Variants in CADM1 observed in about 807,000 individuals in gnomAD.
CADM1 encodes the protein cell adhesion molecule 1.
Under a neutral mutation model 53.1 loss-of-function variants are expected in CADM1, and 15 were observed. The ratio of observed to expected loss-of-function variants is 0.28; its 90% confidence interval spans 0.19 to 0.44. The LOEUF (loss-of-function observed/expected upper bound fraction) is 0.44. Among genes scored for constraint, CADM1 ranks in the 20% least tolerant of loss-of-function variants. CADM1 has a pLI of 1.00. For missense variants in CADM1, 434 were observed against 611.3 expected, an observed-to-expected ratio of 0.71 and a Z score of 3.06; for synonymous variants, 281 against 243.0, an observed-to-expected ratio of 1.16 and a Z score of -1.45.
chr11:115,496,170 G>A (rs1949606691), intron 1 of CADM1, among the ~76,000 whole-genome samples: 2 of 152,100 alleles, frequency 1.3e-5, no homozygotes, highest in South Asian at 4.2e-4. Flanking sequence ...ACACAGTTTG[G>A]CTTAGCATCA....
intron 1 of CADM1, among the ~76,000 whole-genome samples, chr11:115,248,420 A>G (rs1002228315): frequency 6.6e-6 from 1 of 152,202 alleles, no homozygotes; most frequent in African/African-American, 2.4e-5. Flanking sequence ...GGTCTGAGCT[A>G]TCTGATCCCA....
chr11:115,396,330 T>C (rs1316700203), intron 1 of CADM1, among the ~76,000 whole-genome samples: 1 of 152,214 alleles, frequency 6.6e-6, no homozygotes, highest in Admixed American at 6.5e-5. Flanking sequence ...TATCAATTTA[T>C]GTGCTACAGA....
chr11:115,245,734 G>A (rs1004112217), intron 1 of CADM1, among the ~76,000 whole-genome samples: 8 of 152,110 alleles, frequency 5.3e-5, no homozygotes, highest in Non-Finnish European at 7.4e-5. Context: ...TTCTAACTAC[G>A]TATGTTCCCC....
At chr11:115,454,375 G>A (rs1288880412) in intron 1 of CADM1, among the ~76,000 whole-genome samples, 2 of 152,172 alleles carry the variant, frequency 1.3e-5, no homozygotes, top group Non-Finnish European at 2.9e-5. Context: ...AAAAACTTCA[G>A]TAGTGCCTGC....
intron 1 of CADM1, among the ~76,000 whole-genome samples, chr11:115,370,841 T>C (rs182207944): frequency 1.3e-5 from 2 of 152,346 alleles, no homozygotes; most frequent in African/African-American, 4.8e-5. Context: ...TACCTAATGT[T>C]ACTGCAACTC....
Position 115,504,337 on chromosome 11 carries a change from C to T in CADM1, c.58G>A (p.Ala20Thr). 1 of 1,546,896 alleles carries T rather than the reference C, an allele frequency of 6.5e-7. No homozygotes were observed. The highest frequency in any genetic ancestry group is 8.7e-7 in the Non-Finnish European group (1 of 1,144,642). The stretch of plus-strand genomic sequence containing the variant: ...AGCCGGAGCCGGAGCCCGGGAGGCG[C>T]CGCCGCCGCCGCTGCCGCCGCACAC... ...SQCAAAAAAA[A>T]PPGLRLRLLL... The change falls in exon 1 of 12, where the codon GCG becomes ACG. Residue 20 changes from alanine to threonine, a missense_variant. Coordinates refer to ENST00000331581, the MANE Select transcript of CADM1 (RefSeq NM_001301043.2).
At chr11:115,331,977 A>G (rs974551877) in intron 1 of CADM1, among the ~76,000 whole-genome samples, 1 of 152,050 alleles carries the variant, frequency 6.6e-6, no homozygotes, top group African/African-American at 2.4e-5. Context: ...TATTGATCCA[A>G]TTGTCCCAGT....
intron 1 of CADM1, among the ~76,000 whole-genome samples, chr11:115,411,564 C>A (rs1947460545): frequency 6.6e-6 from 1 of 152,130 alleles, no homozygotes; most frequent in African/African-American, 2.4e-5. Flanking sequence ...CCAGTAGGGA[C>A]CCTGTAGAGT....
At chr11:115,191,452 C>T (rs901694449) in intron 9 of CADM1, among the ~76,000 whole-genome samples, 1 of 152,094 alleles carries the variant, frequency 6.6e-6, no homozygotes, top group Non-Finnish European at 1.5e-5. Context: ...GCAGGTTATG[C>T]CTTCATCAGA....
chr11:115,457,846 G>A (rs1052699009), intron 1 of CADM1, among the ~76,000 whole-genome samples: 2 of 152,106 alleles, frequency 1.3e-5, no homozygotes, highest in African/African-American at 2.4e-5. Flanking sequence ...TAATGAATAA[G>A]TGCATTCTGG....
intron 1 of CADM1, among the ~76,000 whole-genome samples, chr11:115,490,855 C>A (rs1178040692): frequency 2.0e-5 from 3 of 152,202 alleles, no homozygotes; most frequent in African/African-American, 7.2e-5. Context: ...CTGTCCTCTC[C>A]TCTTCCTCTT....
At position 115,175,622 on chromosome 11, in the gene CADM1, AAGG is replaced by A; in HGVS notation, c.*849_*851del. Reference sequence around the variant, plus strand: ...GTCAGGTCTGTTTAGGGCATGGAAAAAGGAGGAGTCCTTTCTGCCCCAAACCTT... The same window carrying A: ...GTCAGGTCTGTTTAGGGCATGGAAAAAGGAGTCCTTTCTGCCCCAAACCTT... On this transcript the variant is annotated 3_prime_UTR_variant, in exon 12 of 12. Transcript: ENST00000331581. 2 of 985,610 alleles carry A rather than the reference AAGG, an allele frequency of 2.0e-6. No individual in the cohort carries two copies. Among genetic ancestry groups the A allele is most frequent in the Non-Finnish European group, 2.4e-6 (2 of 830,006 alleles). The allele number at this position is 985,610 out of a possible 1,614,324, so 61.1% of individuals were successfully genotyped here.
At chr11:115,448,018 C>T (rs899659691) in intron 1 of CADM1, among the ~76,000 whole-genome samples, 2 of 152,076 alleles carry the variant, frequency 1.3e-5, no homozygotes, top group African/African-American at 4.8e-5. Context: ...ATTCCAATAC[C>T]TTGTTACAGT....
Position 115,209,665 on chromosome 11 carries a change from GAA to G in CADM1, c.995-10_995-9del, listed in dbSNP as rs760488690. The G allele has an allele frequency of 6.3e-7, 1 of 1,598,086 alleles. No individual in the cohort carries two copies. ...GGATAGTTGTGGGGGGATCTGGATA[GAA>G]AAAAAAAGGAAAATCAAACCCACAA... On this transcript the variant is annotated splice_polypyrimidine_tract_variant and intron_variant, in intron 7 of 11. Coordinates refer to ENST00000331581, the MANE Select transcript of CADM1 (RefSeq NM_001301043.2).
chr11:115,483,515 G>A (rs1010945780), intron 1 of CADM1, among the ~76,000 whole-genome samples: 1 of 152,086 alleles, frequency 6.6e-6, no homozygotes, highest in Non-Finnish European at 1.5e-5. Flanking sequence ...ATGAGGAAAG[G>A]ACTATTAAGA....
chr11:115,414,351 A>G (rs887330826), intron 1 of CADM1, among the ~76,000 whole-genome samples: 2 of 152,168 alleles, frequency 1.3e-5, no homozygotes, highest in African/African-American at 4.8e-5. Flanking sequence ...AAGTCATCAT[A>G]AAAGTAACAC....
intron 1 of CADM1, among the ~76,000 whole-genome samples, chr11:115,329,445 C>A (rs984608190): frequency 6.6e-6 from 1 of 152,114 alleles, no homozygotes; most frequent in African/African-American, 2.4e-5. Flanking sequence ...CCCTGACCCC[C>A]CTCACAAGAC....
chr11:115,493,872 C>T (rs1202725930), intron 1 of CADM1, among the ~76,000 whole-genome samples: 1 of 152,026 alleles, frequency 6.6e-6, no homozygotes, highest in Non-Finnish European at 1.5e-5. Context: ...AAACAGGTGG[C>T]AAGCAGGGTA....
At chr11:115,420,510 C>T (rs1947726830) in intron 1 of CADM1, among the ~76,000 whole-genome samples, 1 of 152,168 alleles carries the variant, frequency 6.6e-6, no homozygotes, top group South Asian at 2.1e-4. Context: ...GCTGTTTCCA[C>T]CCTCCTCATC....
Sources: gnomAD v4.1 joint callset for allele counts (sites outside exome capture counted in the v4.1 genomes callset) on GRCh38, gnomAD v4.1.1 for gene constraint, MANE v1.5 for transcripts, NCBI Gene and HGNC (gene_info 2026-07-23, HGNC 2026-07-21) for gene names.